The following MRPS28 variants were observed in gnomAD, a reference collection of about 807,000 sequenced individuals.
The protein encoded by MRPS28 is small ribosomal subunit protein bS1m.
MRPS28 carries 7 observed loss-of-function variants against 10.8 expected under a neutral mutation model. The observed-to-expected ratio is 0.65, with a 90% CI of 0.37 to 1.22. The LOEUF is 1.22. MRPS28 is among the 50% of genes most tolerant of loss of function. The pLI is 0.02. For synonymous variants in MRPS28, 121 were observed against 93.3 expected (o/e 1.30, Z -1.71); for missense variants, 265 against 232.9 (o/e 1.14, Z -0.90).
At chr8:79,976,752 T>C (rs1163313893) in intron 2 of MRPS28, among the ~76,000 whole-genome samples, 1 of 152,178 alleles carries the variant, frequency 6.6e-6, no homozygotes, top group Non-Finnish European at 1.5e-5. Context: ...ATGTTTCACT[T>C]GGTGATAATT....
intron 2 of MRPS28, among the ~76,000 whole-genome samples, chr8:79,951,362 A>AG (rs1807076021): frequency 6.6e-6 from 1 of 152,170 alleles, no homozygotes; most frequent in Non-Finnish European, 1.5e-5. Flanking sequence ...GATGGTGCCA[A>AG]GGTGTGTTAT....
chr8:79,985,205 T>A (rs1444704814), intron 2 of MRPS28, among the ~76,000 whole-genome samples: 2 of 152,036 alleles, frequency 1.3e-5, no homozygotes, highest in African/African-American at 4.8e-5. Context: ...AAGGCAGAAA[T>A]AAAGATGTTC....
At chr8:79,995,365 T>C (rs1012565524) in intron 2 of MRPS28, among the ~76,000 whole-genome samples, 1 of 152,232 alleles carries the variant, frequency 6.6e-6, no homozygotes, top group African/African-American at 2.4e-5. Context: ...AAGCAATTCT[T>C]TGGGCTTAAC....
At chr8:80,017,496 C>T (rs1444254341) in intron 1 of MRPS28, among the ~76,000 whole-genome samples, 1 of 152,104 alleles carries the variant, frequency 6.6e-6, no homozygotes, top group Non-Finnish European at 1.5e-5. Flanking sequence ...GATTTGATAA[C>T]CTAAATTAAA....
At chr8:79,970,453 C>A (rs1250122739) in intron 2 of MRPS28, among the ~76,000 whole-genome samples, 1 of 152,162 alleles carries the variant, frequency 6.6e-6, no homozygotes, top group Non-Finnish European at 1.5e-5. Context: ...AAACTCCTTA[C>A]CTGACATTTT....
intron 2 of MRPS28, among the ~76,000 whole-genome samples, chr8:79,987,089 T>C (rs1229080876): frequency 6.6e-6 from 1 of 152,022 alleles, no homozygotes; most frequent in African/African-American, 2.4e-5. Flanking sequence ...TATAGATCAA[T>C]GGAACAGAAC....
intron 2 of MRPS28, among the ~76,000 whole-genome samples, chr8:79,938,418 G>A (rs1175767934): frequency 8.0e-6 from 1 of 124,770 alleles, no homozygotes; most frequent in Non-Finnish European, 1.7e-5. Flanking sequence ...CTCTGATTGT[G>A]GGCTGTGCTT....
intron 2 of MRPS28, among the ~76,000 whole-genome samples, chr8:79,928,995 G>A (rs911475005): frequency 1.3e-5 from 2 of 152,106 alleles, no homozygotes; most frequent in South Asian, 2.1e-4. Context: ...GCAGTTAGCC[G>A]AGATTTTGCT....
chr8:79,929,336 T>A (rs955255050), intron 2 of MRPS28, among the ~76,000 whole-genome samples: 6 of 152,192 alleles, frequency 3.9e-5, no homozygotes, highest in African/African-American at 1.4e-4. Context: ...ATAATCTGCA[T>A]AATAATCTCA....
chr8:79,974,268 C>T (rs772137630), intron 2 of MRPS28, among the ~76,000 whole-genome samples: 27 of 151,782 alleles, frequency 1.8e-4, no homozygotes, highest in Middle Eastern at 3.2e-3. Flanking sequence ...GAGGCCGGCG[C>T]GGTGGCTCAC....
chr8:80,016,875 T>C (rs1251710230), intron 1 of MRPS28, among the ~76,000 whole-genome samples: 7 of 152,096 alleles, frequency 4.6e-5, no homozygotes, highest in African/African-American at 1.7e-4. Flanking sequence ...TGTCCCTCTA[T>C]CAGAAAAGGA....
At chr8:79,986,038 G>A (rs566369136) in intron 2 of MRPS28, among the ~76,000 whole-genome samples, 13 of 152,244 alleles carry the variant, frequency 8.5e-5, no homozygotes, top group African/African-American at 2.9e-4. Flanking sequence ...TAAAATACTG[G>A]GAAACTGAAT....
In MRPS28 at chr8:80,003,048, A is replaced by T; in HGVS notation, c.346T>A (p.Phe116Ile). ...CATACACAATGAAACTTTCCACCAAAATCTATGTACAGATCATTCTCCACA... is the reference window on the plus strand; with the variant it reads ...CATACACAATGAAACTTTCCACCAATATCTATGTACAGATCATTCTCCACA... ...HIVENDLYID[F>I]GGKFHCVCRR... Residue 116 changes from phenylalanine (F) to isoleucine (I), a missense_variant, in exon 2 of 3, where the codon TTT becomes ATT. Transcript: ENST00000276585. The T allele has an allele frequency of 6.2e-7, 1 of 1,606,108 alleles. No homozygotes were observed. Among genetic ancestry groups the T allele is most frequent in the Non-Finnish European group, 8.5e-7 (1 of 1,177,934 alleles).
intron 2 of MRPS28, among the ~76,000 whole-genome samples, chr8:79,922,121 T>G (rs1810110327): frequency 6.6e-6 from 1 of 152,202 alleles, no homozygotes; most frequent in Non-Finnish European, 1.5e-5. Flanking sequence ...AGTAAAATTT[T>G]ACGAAAGCAA....
intron 2 of MRPS28, among the ~76,000 whole-genome samples, chr8:79,971,811 C>T (rs1807642137): frequency 6.6e-6 from 1 of 152,158 alleles, no homozygotes; most frequent in Non-Finnish European, 1.5e-5. Context: ...AATCCTCCTG[C>T]CTCAGCCTCC....
chr8:79,958,876 T>C (rs1486037478), intron 2 of MRPS28, among the ~76,000 whole-genome samples: 2 of 152,148 alleles, frequency 1.3e-5, no homozygotes, highest in Admixed American at 6.5e-5. Flanking sequence ...ATTATATAAC[T>C]GAGTTTAGTA....
intron 2 of MRPS28, among the ~76,000 whole-genome samples, chr8:79,923,313 A>G (rs1381716063): frequency 1.3e-5 from 2 of 152,180 alleles, no homozygotes; most frequent in African/African-American, 4.8e-5. Flanking sequence ...TTAAGTTTTC[A>G]ATTACCTATG....
chr8:79,945,380 T>A (rs899559217), intron 2 of MRPS28, among the ~76,000 whole-genome samples: 7 of 152,144 alleles, frequency 4.6e-5, no homozygotes, highest in African/African-American at 1.4e-4. Flanking sequence ...AGGCACCAGA[T>A]GATAGAGACA....
At chr8:79,986,966 A>C (rs1156621347) in intron 2 of MRPS28, among the ~76,000 whole-genome samples, 1 of 152,208 alleles carries the variant, frequency 6.6e-6, no homozygotes, top group African/African-American at 2.4e-5. Flanking sequence ...CCACATCGCC[A>C]AGTCAATCCT....
Sources: allele counts gnomAD v4.1 joint callset (sites outside exome capture counted in the v4.1 genomes callset), GRCh38; gene constraint gnomAD v4.1.1; transcripts MANE v1.5; gene names NCBI Gene and HGNC (gene_info 2026-07-23, HGNC 2026-07-21).